The following CNTN3 variants were observed in gnomAD, a reference collection of about 807,000 sequenced individuals.
CNTN3 encodes the protein contactin-3.
Under a neutral mutation model 119.1 loss-of-function variants are expected in CNTN3, and 60 were observed. The ratio of observed to expected loss-of-function variants is 0.50; its 90% confidence interval spans 0.41 to 0.62. The LOEUF (loss-of-function observed/expected upper bound fraction) is 0.62, where lower values mean the gene tolerates loss of function less well. Ranked by LOEUF, CNTN3 falls within the 20% of genes least tolerant of loss-of-function variation. CNTN3 has a pLI of 0.00. For synonymous variants in CNTN3, 450 were observed against 438.7 expected, an observed-to-expected ratio of 1.03 and a Z score of -0.32; for missense variants, 1,101 against 1,242.4, an observed-to-expected ratio of 0.89 and a Z score of 1.71.
intron 13 of CNTN3, among the ~76,000 whole-genome samples, chr3:74,329,034 T>A (rs1450409093): frequency 6.6e-6 from 1 of 152,220 alleles, no homozygotes; most frequent in Non-Finnish European, 1.5e-5. Context: ...TTCCTTTACA[T>A]AAAATTGTTT....
chr3:74,500,805 C>T (rs890696762), intron 2 of CNTN3, among the ~76,000 whole-genome samples: 2 of 152,000 alleles, frequency 1.3e-5, no homozygotes, highest in African/African-American at 4.8e-5. Context: ...ATAGCAGCTG[C>T]TAAAGCTGAA....
intron 1 of CNTN3, among the ~76,000 whole-genome samples, chr3:74,589,685 T>A (rs1359974939): frequency 3.4e-5 from 5 of 149,086 alleles, no homozygotes; most frequent in Non-Finnish European, 7.4e-5. Context: ...CTATTCACAA[T>A]AGCAAAGACT....
At chr3:74,343,299 ACT>A (rs1408272307) in intron 11 of CNTN3, among the ~76,000 whole-genome samples, 4 of 152,204 alleles carry the variant, frequency 2.6e-5, no homozygotes, top group Admixed American at 6.5e-5. Context: ...AAATACGTCC[ACT>A]CTCTATGTGC....
At chr3:74,335,083 A>G (rs1315817654) in intron 12 of CNTN3, among the ~76,000 whole-genome samples, 173 bp from the exon 13 acceptor site, 4 of 152,198 alleles carry the variant, frequency 2.6e-5, no homozygotes, top group Admixed American at 2.6e-4. Context: ...ATTTTGATGC[A>G]GAGCTACATT....
intron 5 of CNTN3, among the ~76,000 whole-genome samples, chr3:74,407,487 G>A (rs1701353854): frequency 6.7e-6 from 1 of 148,974 alleles, no homozygotes; most frequent in Admixed American, 6.7e-5. Flanking sequence ...TGGTCAGGCT[G>A]GTCTCAAACT....
intron 5 of CNTN3, among the ~76,000 whole-genome samples, chr3:74,414,463 A>T (rs138010290): frequency 4.9e-4 from 75 of 152,306 alleles, no homozygotes; most frequent in African/African-American, 1.7e-3. Flanking sequence ...CATTTGTATG[A>T]CTTGAAGACA....
At chr3:74,467,954 A>T (rs1032943790) in intron 4 of CNTN3, among the ~76,000 whole-genome samples, 1 of 152,222 alleles carries the variant, frequency 6.6e-6, no homozygotes, top group East Asian at 1.9e-4. Context: ...GCCAAGAAGC[A>T]TTCAATCTAC....
chr3:74,357,053 A>C (rs1019757247), intron 11 of CNTN3, among the ~76,000 whole-genome samples: 6 of 151,718 alleles, frequency 4.0e-5, no homozygotes, highest in African/African-American at 1.5e-4. Flanking sequence ...CCTCCTGAGT[A>C]GCTGGGACTA....
chr3:74,338,659 C>A (rs935542128), intron 11 of CNTN3, among the ~76,000 whole-genome samples: 1 of 152,038 alleles, frequency 6.6e-6, no homozygotes, highest in African/African-American at 2.4e-5. Context: ...GTGAGAAAAT[C>A]ATGGTGGAAT....
At chr3:74,606,444 G>GTGTGTC (rs1336390930) in intron 1 of CNTN3, among the ~76,000 whole-genome samples, 2 of 151,982 alleles carry the variant, frequency 1.3e-5, no homozygotes. Flanking sequence ...CCGTGTGGGT[G>GTGTGTC]TGTGTCTGTG....
intron 1 of CNTN3, among the ~76,000 whole-genome samples, chr3:74,580,262 C>T (rs1220598719): frequency 3.3e-5 from 5 of 152,190 alleles, no homozygotes; most frequent in East Asian, 1.9e-4. Flanking sequence ...CAAACCCTTC[C>T]CATAAAGAGT....
intron 1 of CNTN3, among the ~76,000 whole-genome samples, chr3:74,577,091 C>G (rs966314457): frequency 6.6e-6 from 1 of 152,152 alleles, no homozygotes; most frequent in African/African-American, 2.4e-5. Context: ...ACACATACCT[C>G]TCCCTAGAGA....
chr3:74,457,892 TTC>T (rs770181969), intron 4 of CNTN3, among the ~76,000 whole-genome samples: 1 of 152,010 alleles, frequency 6.6e-6, no homozygotes, highest in African/African-American at 2.4e-5. Context: ...ATGAAGAGAA[TTC>T]TGTTATAAAT....
At chr3:74,479,139 T>C (rs1281400476) in intron 4 of CNTN3, among the ~76,000 whole-genome samples, 1 of 151,968 alleles carries the variant, frequency 6.6e-6, no homozygotes, top group East Asian at 1.9e-4. Context: ...AAGATGCAAG[T>C]AATAATATGT....
At chr3:74,284,656 T>C (rs1702074282) in intron 20 of CNTN3, among the ~76,000 whole-genome samples, 1 of 152,204 alleles carries the variant, frequency 6.6e-6, no homozygotes, top group Admixed American at 6.5e-5. Context: ...GCTATTAGAT[T>C]AACTGAAATA....
chr3:74,298,053 C>T lies in CNTN3; in HGVS notation c.2305G>A (p.Val769Met), dbSNP rs201119005. 3.2e-5 allele frequency: 51 copies of T among 1,614,032 alleles called. No homozygotes were observed. The African/African-American group carries it at 3.6e-4, about 11-fold the overall frequency. Reference protein sequence around the residue: ...PRYVFRNESIVPYSPYEVKVG... With the variant: ...PRYVFRNESIMPYSPYEVKVG... ...TTAACTTCATATGGTGAATATGGCA[C>T]GATGCTTTCATTCCTAAAGACATAT... The change falls in exon 18 of 23, where the codon GTG becomes ATG. Residue 769 changes from valine (V) to methionine (M), a missense_variant. Physicochemically the swap from Val to Met is conservative, Grantham distance 21. Transcript: ENST00000263665.
intron 3 of CNTN3, among the ~76,000 whole-genome samples, chr3:74,491,713 A>T (rs1198477904): frequency 6.6e-5 from 10 of 152,092 alleles, no homozygotes. Context: ...TCAGGTCATA[A>T]ATTTGGGAAG....
intron 1 of CNTN3, among the ~76,000 whole-genome samples, chr3:74,531,648 A>G (rs543108637): frequency 2.0e-5 from 3 of 152,084 alleles, no homozygotes; most frequent in East Asian, 3.9e-4. Flanking sequence ...GAGAAACCCA[A>G]CGGTTAAGGG....
At chr3:74,507,415 C>T (rs1318979580) in intron 2 of CNTN3, among the ~76,000 whole-genome samples, 2 of 53,744 alleles carry the variant, frequency 3.7e-5, no homozygotes, top group Non-Finnish European at 7.6e-5. Flanking sequence ...GAGACCCCAT[C>T]TCTAAGAAAA....
Sources: allele counts gnomAD v4.1 joint callset (sites outside exome capture counted in the v4.1 genomes callset), GRCh38; gene constraint gnomAD v4.1.1; transcripts MANE v1.5; gene names NCBI Gene and HGNC (gene_info 2026-07-23, HGNC 2026-07-21).